The following MKLN1 variants were observed in gnomAD, a reference collection of about 807,000 sequenced individuals.
MKLN1 encodes the protein muskelin.
A neutral mutation model predicts 99.0 loss-of-function variants in MKLN1; 18 were observed. The observed-to-expected ratio is 0.18, with a 90% CI of 0.13 to 0.27. The LOEUF (loss-of-function observed/expected upper bound fraction) is 0.27. Among genes scored for constraint, MKLN1 ranks in the 10% least tolerant of loss-of-function variants. MKLN1 has a pLI of 1.00. For synonymous variants in MKLN1, 288 were observed against 293.2 expected (o/e 0.98, Z 0.18); for missense variants, 621 against 875.9 (o/e 0.71, Z 3.67).
At chr7:131,315,861 G>A (rs1425088583) in intron 3 of MKLN1, among the ~76,000 whole-genome samples, 1 of 152,196 alleles carries the variant, frequency 6.6e-6, no homozygotes, top group African/African-American at 2.4e-5. Flanking sequence ...TCCTCACTGG[G>A]CAGGGCATCT....
intron 17 of MKLN1, among the ~76,000 whole-genome samples, chr7:131,480,717 T>C (rs1797099201): frequency 6.6e-6 from 1 of 152,202 alleles, no homozygotes; most frequent in African/African-American, 2.4e-5. Flanking sequence ...TTTTGGAAAG[T>C]TCATGCCCTT....
chr7:131,303,452 C>T (rs963849307), intron 3 of MKLN1, among the ~76,000 whole-genome samples: 4 of 152,190 alleles, frequency 2.6e-5, no homozygotes, highest in Admixed American at 6.5e-5. Flanking sequence ...CAAACAGAAC[C>T]CTGGTATTCT....
At position 131,379,497 on chromosome 7, in the gene MKLN1, A is replaced by T. The variant is rs1020932022; in HGVS notation, c.168+4004A>T. 5.9e-5 allele frequency among the ~76,000 whole-genome samples: 9 copies of T among 152,326 alleles called. No individual in the cohort carries two copies. In the South Asian group the frequency reaches 1.0e-3, roughly 18 times the overall value. On this transcript the variant is annotated intron_variant, in intron 2 of 17. Transcript: ENST00000352689. The stretch of plus-strand genomic sequence containing the variant: ...AAAACTTCTATAAATGAAAAATATA[A>T]TAATAAAAGTCAGTTTTGACAAGAT...
chr7:131,473,730 C>T (rs1796891665), intron 16 of MKLN1, among the ~76,000 whole-genome samples: 1 of 152,166 alleles, frequency 6.6e-6, no homozygotes, highest in Non-Finnish European at 1.5e-5. Context: ...CATAATAGGT[C>T]AGGCATTCTA....
At chr7:131,299,256 G>A (rs1408379752) in intron 3 of MKLN1, among the ~76,000 whole-genome samples, 1 of 152,118 alleles carries the variant, frequency 6.6e-6, no homozygotes, top group African/African-American at 2.4e-5. Flanking sequence ...TCAATTCAGG[G>A]TGTATACACT....
chr7:131,310,056 C>G (rs1798539011), intron 3 of MKLN1: 1 of 152,182 alleles, frequency 6.6e-6, no homozygotes, highest in African/African-American at 2.4e-5. Flanking sequence ...AAAGAAGAGG[C>G]AGTTCCTGAG....
intron 3 of MKLN1, among the ~76,000 whole-genome samples, chr7:131,245,649 C>A (rs1797476304): frequency 6.6e-6 from 1 of 152,182 alleles, no homozygotes; most frequent in Admixed American, 6.5e-5. Flanking sequence ...TATTGTGTTA[C>A]AGCTGCCTAC....
intron 2 of MKLN1, among the ~76,000 whole-genome samples, chr7:131,144,699 C>T (rs769537883): frequency 2.0e-5 from 3 of 151,296 alleles, no homozygotes; most frequent in Admixed American, 6.6e-5. Context: ...TGATGCAGGC[C>T]GGGTACAGTG....
intron 1 of MKLN1, among the ~76,000 whole-genome samples, chr7:131,347,594 A>G (rs1193338483): frequency 6.6e-6 from 1 of 152,170 alleles, no homozygotes; most frequent in African/African-American, 2.4e-5. Flanking sequence ...AAGGAAAAAT[A>G]AAGGGCCCAA....
chr7:131,305,679 A>C (rs998391944), intron 3 of MKLN1, among the ~76,000 whole-genome samples: 2 of 152,182 alleles, frequency 1.3e-5, no homozygotes, highest in African/African-American at 2.4e-5. Flanking sequence ...GACTAAAATT[A>C]TCTGGTGGAC....
intron 4 of MKLN1, among the ~76,000 whole-genome samples, chr7:131,392,860 C>T (rs1183044557): frequency 6.6e-6 from 1 of 152,086 alleles, no homozygotes; most frequent in Non-Finnish European, 1.5e-5. Flanking sequence ...CCGCCTTGGC[C>T]TCCCAAAGTG....
At chr7:131,339,478 G>A (rs1799342922) in intron 1 of MKLN1, among the ~76,000 whole-genome samples, 1 of 152,122 alleles carries the variant, frequency 6.6e-6, no homozygotes, top group African/African-American at 2.4e-5. Context: ...GCCGAGGTGG[G>A]TGGATCACTT....
At chr7:131,346,830 T>C (rs1799577399) in intron 1 of MKLN1, among the ~76,000 whole-genome samples, 1 of 152,258 alleles carries the variant, frequency 6.6e-6, no homozygotes, top group Non-Finnish European at 1.5e-5. Context: ...TGATTGTTTT[T>C]CTATAATTAC....
chr7:131,459,755 A>G (rs970960733), intron 12 of MKLN1, among the ~76,000 whole-genome samples: 2 of 152,124 alleles, frequency 1.3e-5, no homozygotes, highest in African/African-American at 2.4e-5. Context: ...AAAAAACAAC[A>G]TAGATATATG....
Position 131,361,495 on chromosome 7 carries a change from C to T in MKLN1, c.99-13929C>T, listed in dbSNP as rs570965562. On this transcript the variant is annotated intron_variant, in intron 1 of 17. Transcript: ENST00000352689. The stretch of plus-strand genomic sequence containing the variant: ...ATTCACTATCTGCTCGTATCAAAAT[C>T]TAGATCATATCTGAGTCTGGCTTGC... Among the ~76,000 whole-genome samples, 26 of 151,732 alleles carry T rather than the reference C, an allele frequency of 1.7e-4. 1 individual carries two copies. The South Asian group carries it at 5.2e-3, about 30-fold the overall frequency.
intron 7 of MKLN1, among the ~76,000 whole-genome samples, chr7:131,411,789 C>G (rs1794883009): frequency 6.6e-6 from 1 of 151,542 alleles, no homozygotes; most frequent in African/African-American, 2.4e-5. Flanking sequence ...TGCCTGTAAT[C>G]CCAGCTACTC....
chr7:131,383,756 T>C (rs969728354), intron 2 of MKLN1, among the ~76,000 whole-genome samples: 5 of 152,184 alleles, frequency 3.3e-5, no homozygotes, highest in Non-Finnish European at 7.3e-5. Context: ...TTCCCCTGCA[T>C]CCAATCTGTC....
intron 9 of MKLN1, 37 bp from the exon 10 acceptor site, chr7:131,437,747 TA>T: frequency 6.8e-7 from 1 of 1,461,678 alleles, no homozygotes; most frequent in Non-Finnish European, 9.5e-7. Context: ...TTTTGCTCTT[TA>T]TTTGTTTATT....
chr7:131,445,015 C>G (rs1485075313), intron 11 of MKLN1, among the ~76,000 whole-genome samples: 1 of 151,994 alleles, frequency 6.6e-6, no homozygotes, highest in Non-Finnish European at 1.5e-5. Flanking sequence ...TCTATAATAG[C>G]TTTCACAGTA....
Sources: allele counts gnomAD v4.1 joint callset (sites outside exome capture counted in the v4.1 genomes callset), GRCh38; gene constraint gnomAD v4.1.1; transcripts MANE v1.5; gene names NCBI Gene and HGNC (gene_info 2026-07-23, HGNC 2026-07-21).